Variants in ZNF704 observed in about 807,000 individuals in gnomAD.
ZNF704 encodes zinc finger protein 704.
Under a neutral mutation model 44.7 loss-of-function variants are expected in ZNF704, and 10 were observed. The observed-to-expected ratio is 0.22, with a 90% CI of 0.14 to 0.38. The LOEUF (loss-of-function observed/expected upper bound fraction) is 0.38, where lower values mean the gene tolerates loss of function less well. Among genes scored for constraint, ZNF704 ranks in the 10% least tolerant of loss-of-function variants. ZNF704 has a pLI of 1.00. For missense variants in ZNF704, 390 were observed against 545.5 expected (o/e 0.71, Z 2.84); for synonymous variants, 211 against 207.6 (o/e 1.02, Z -0.14).
chr8:80,655,376 TA>T (rs547391443), intron 7 of ZNF704, among the ~76,000 whole-genome samples: 9,909 of 144,200 alleles, frequency 0.069, 345 homozygotes, highest in Middle Eastern at 0.092. Context: ...GTTCCCAGTA[TA>T]AAAAAAAAAA....
chr8:80,729,564 T>C (rs982449579), intron 2 of ZNF704, among the ~76,000 whole-genome samples: 4 of 152,184 alleles, frequency 2.6e-5, no homozygotes, highest in Admixed American at 2.6e-4. Context: ...AGAGTAATCC[T>C]GCTTCATTGA....
intron 2 of ZNF704, among the ~76,000 whole-genome samples, chr8:80,806,724 C>T (rs1196748802): frequency 6.6e-6 from 1 of 152,188 alleles, no homozygotes; most frequent in Non-Finnish European, 1.5e-5. Context: ...GGGAGCTGTG[C>T]CATGCCACAG....
upstream of ZNF704, among the ~76,000 whole-genome samples, chr8:80,878,332 CATT>C (rs1407695624): frequency 6.6e-6 from 1 of 151,532 alleles, no homozygotes; most frequent in Non-Finnish European, 1.5e-5. Flanking sequence ...CTCAATTTGA[CATT>C]ATGTTCAGTG....
chr8:80,863,313 T>C (rs1809100667), intron 1 of ZNF704, among the ~76,000 whole-genome samples: 1 of 152,204 alleles, frequency 6.6e-6, no homozygotes, highest in Admixed American at 6.5e-5. Flanking sequence ...ATGCACAAAC[T>C]ACATGAAAGC....
At chr8:80,657,863 G>A (rs759037328) in intron 7 of ZNF704, among the ~76,000 whole-genome samples, 29 of 151,926 alleles carry the variant, frequency 1.9e-4, no homozygotes, top group African/African-American at 1.2e-4. Flanking sequence ...GAATGTCCCA[G>A]GTAATCAACA....
intron 4 of ZNF704, among the ~76,000 whole-genome samples, chr8:80,672,779 G>T (rs531624454): frequency 1.3e-5 from 2 of 152,220 alleles, no homozygotes; most frequent in African/African-American, 4.8e-5. Flanking sequence ...AATAGGGAGT[G>T]GGGTAAGTGT....
intron 1 of ZNF704, among the ~76,000 whole-genome samples, chr8:80,843,293 C>T (rs997480172): frequency 1.3e-5 from 2 of 152,284 alleles, no homozygotes; most frequent in East Asian, 3.9e-4. Context: ...ACCATGTGGC[C>T]CTGACAGCCC....
intron 2 of ZNF704, among the ~76,000 whole-genome samples, chr8:80,702,227 G>A (rs1294508713): frequency 2.6e-5 from 4 of 152,136 alleles, no homozygotes; most frequent in Non-Finnish European, 5.9e-5. Flanking sequence ...TGTGGGGCTG[G>A]GGAAGCTGAT....
At chr8:80,870,638 C>T (rs531089858) in intron 1 of ZNF704, among the ~76,000 whole-genome samples, 2 of 152,294 alleles carry the variant, frequency 1.3e-5, no homozygotes, top group South Asian at 2.1e-4. Context: ...TATTTGGCTG[C>T]TGCTTCTCAA....
At chr8:80,735,832 T>C (rs1318185796) in intron 2 of ZNF704, among the ~76,000 whole-genome samples, 1 of 152,194 alleles carries the variant, frequency 6.6e-6, no homozygotes, top group African/African-American at 2.4e-5. Flanking sequence ...AACAAACTAG[T>C]AATTTATTTT....
At chr8:80,676,992 T>TA (rs888534682) in intron 4 of ZNF704, among the ~76,000 whole-genome samples, 3 of 152,142 alleles carry the variant, frequency 2.0e-5, no homozygotes, top group Admixed American at 6.5e-5. Context: ...ACCCCCGCCT[T>TA]AGAGAGTGGG....
chr8:80,781,166 G>A (rs1807516141), intron 2 of ZNF704, among the ~76,000 whole-genome samples: 1 of 152,062 alleles, frequency 6.6e-6, no homozygotes, highest in African/African-American at 2.4e-5. Flanking sequence ...TACATTCTTG[G>A]ACCCCCATCT....
At chr8:80,716,247 CAT>C (rs1374442104) in intron 2 of ZNF704, among the ~76,000 whole-genome samples, 2 of 152,180 alleles carry the variant, frequency 1.3e-5, no homozygotes, top group Non-Finnish European at 2.9e-5. Context: ...AGTCATATGA[CAT>C]ATTGGAATTA....
intron 4 of ZNF704, among the ~76,000 whole-genome samples, chr8:80,678,931 A>G (rs73691992): frequency 0.11 from 16,459 of 152,042 alleles, 3,017 homozygotes; most frequent in African/African-American, 0.37. Context: ...GAAAGCAGGA[A>G]GGTATTGATT....
At chr8:80,644,620 G>T (rs1817798333) in intron 7 of ZNF704, among the ~76,000 whole-genome samples, 1 of 152,116 alleles carries the variant, frequency 6.6e-6, no homozygotes, top group African/African-American at 2.4e-5. Flanking sequence ...CATGATCCCT[G>T]TAACAGCCAT....
At chr8:80,855,891 G>A (rs75708435) in intron 1 of ZNF704, among the ~76,000 whole-genome samples, 5,495 of 152,264 alleles carry the variant, frequency 0.036, 336 homozygotes, top group African/African-American at 0.13. Flanking sequence ...CCAGTTTTGT[G>A]TTTTTATTGT....
chr8:80,787,802 A>G (rs1807640333), intron 2 of ZNF704, among the ~76,000 whole-genome samples: 1 of 152,200 alleles, frequency 6.6e-6, no homozygotes, highest in Non-Finnish European at 1.5e-5. Context: ...ATGCCCCAAA[A>G]GCACCACCAG....
chr8:80,705,007 TGTG>T lies in ZNF704; in HGVS notation c.222-11903_222-11901del, dbSNP rs1818873310. ...ACTGGCATCACAAGTGGGGAATTCT[TGTG>T]GGACTGACACTTCTTCAGGTAGACA... is the stretch of plus-strand genomic sequence containing the variant. On this transcript the variant is annotated intron_variant, in intron 2 of 8. Coordinates refer to ENST00000327835, the MANE Select transcript of ZNF704 (RefSeq NM_001033723.3). Among the ~76,000 whole-genome samples, 2 of 152,140 alleles carry T rather than the reference TGTG, an allele frequency of 1.3e-5. 1 individual carries two copies. Among genetic ancestry groups the T allele is most frequent in the Admixed American group, 1.3e-4 (2 of 15,274 alleles).
intron 2 of ZNF704, among the ~76,000 whole-genome samples, chr8:80,813,673 C>G (rs768788913): frequency 2.6e-5 from 4 of 151,976 alleles, no homozygotes; most frequent in African/African-American, 9.7e-5. Context: ...GTCAGGAGAT[C>G]GAGACCATGC....
Sources: gnomAD v4.1 joint callset for allele counts (sites outside exome capture counted in the v4.1 genomes callset) on GRCh38, gnomAD v4.1.1 for gene constraint, MANE v1.5 for transcripts, NCBI Gene and HGNC (gene_info 2026-07-23, HGNC 2026-07-21) for gene names.